POC1B: variants seen among roughly 807,000 people sequenced by gnomAD.
POC1B encodes POC1 centriolar protein B, also known as POC1 centriolar protein homolog B.
POC1B carries 44 observed loss-of-function variants against 60.6 expected under a neutral mutation model. The ratio of observed to expected loss-of-function variants is 0.73; its 90% CI spans 0.57 to 0.93. The LOEUF is 0.93. Ranked by LOEUF, POC1B falls within the 40% of genes least tolerant of loss-of-function variation. The pLI is 0.00. For synonymous variants in POC1B, 180 were observed against 198.9 expected (o/e 0.90, Z 0.80); for missense variants, 555 against 572.3 (o/e 0.97, Z 0.31).
intron 3 of POC1B, among the ~76,000 whole-genome samples, chr12:89,494,110 T>C (rs1400304675): frequency 6.6e-6 from 1 of 152,186 alleles, no homozygotes; most frequent in Non-Finnish European, 1.5e-5. Context: ...GTGCAATCGC[T>C]ACTCACTGCA....
intron 2 of POC1B, among the ~76,000 whole-genome samples, chr12:89,515,137 G>A (rs1212667370): frequency 6.6e-6 from 1 of 152,054 alleles, no homozygotes; most frequent in Non-Finnish European, 1.5e-5. Context: ...TTTCAACTCT[G>A]AGCATTATGA....
At chr12:89,445,085 C>A (rs1881717763) in intron 10 of POC1B, among the ~76,000 whole-genome samples, 1 of 152,062 alleles carries the variant, frequency 6.6e-6, no homozygotes, top group African/African-American at 2.4e-5. Context: ...AACTAGAAAC[C>A]ACTGCTCAAC....
At position 89,425,162 on chromosome 12, in the gene POC1B, T is replaced by C. The variant is rs1555215866; in HGVS notation, c.1331A>G (p.Gln444Arg). 1 of 1,613,942 alleles carries C rather than the reference T, an allele frequency of 6.2e-7. No individual in the cohort carries two copies. Among genetic ancestry groups the C allele is most frequent in the Non-Finnish European group, 8.5e-7 (1 of 1,179,836 alleles). The change falls in exon 11 of 12, where the codon CAG becomes CGG. Residue 444 changes from glutamine to arginine, a missense_variant and splice_region_variant. By Grantham distance (43) the Gln-to-Arg change is conservative (BLOSUM62 1). Transcript: ENST00000313546. ...TCATGCAACCTGTGTCATGCCCACC[T>C]GTGTCAAAACATTGAGTTGTTCCAT... ...HIMEQLNVLTQTVSILEQRLT... is the reference protein window; with the variant it reads ...HIMEQLNVLTRTVSILEQRLT...
chr12:89,411,685 T>C, the POC1B span, among the ~76,000 whole-genome samples: 1 of 152,212 alleles, frequency 6.6e-6, no homozygotes, highest in Non-Finnish European at 1.5e-5. Context: ...CCCGCCTCAA[T>C]GTTGCATCTT....
intron 4 of POC1B, among the ~76,000 whole-genome samples, chr12:89,480,602 T>A (rs1419035000): frequency 1.5e-5 from 2 of 137,870 alleles, no homozygotes; most frequent in East Asian, 2.1e-4. Context: ...TGTATTTTTT[T>A]TTTTTTTTTT....
In POC1B at chr12:89,515,585, G is replaced by A. The variant is rs76245871; in HGVS notation, c.100+9535C>T. Among the ~76,000 whole-genome samples the A allele has an allele frequency of 6.8e-3, 1,031 of 152,286 alleles. 12 individuals are homozygous for A. Among genetic ancestry groups the A allele is most frequent in the African/African-American group, 0.024 (996 of 41,556 alleles). On this transcript the variant is annotated intron_variant, in intron 2 of 11. Transcript: ENST00000313546. ...GGGAGTCAGCCAAATAAAGAGTGAG[G>A]TGGTGAAGAACATTTCAGACCAAGG...
At chr12:89,475,776 T>C (rs1473421643) in intron 4 of POC1B, among the ~76,000 whole-genome samples, 1 of 152,144 alleles carries the variant, frequency 6.6e-6, no homozygotes, top group African/African-American at 2.4e-5. Flanking sequence ...AGATGAATAT[T>C]ACATTAGTCA....
At chr12:89,487,267 C>A (rs1260321236) in intron 4 of POC1B, among the ~76,000 whole-genome samples, 1 of 152,164 alleles carries the variant, frequency 6.6e-6, no homozygotes, top group African/African-American at 2.4e-5. Flanking sequence ...GCACATGACA[C>A]GGAGAGGACA....
In POC1B at chr12:89,425,308, G is replaced by A. The variant is rs1880717242; in HGVS notation, c.1185C>T (p.Ser395=). 8.1e-6 allele frequency: 13 copies of A among 1,614,016 alleles called. No homozygotes were observed. Among genetic ancestry groups the A allele is most frequent in the Non-Finnish European group, 1.0e-5 (12 of 1,180,032 alleles). ...EEACGYFLNP[S]LMSPECLPTT... ...TTGGCAAACATTCTGGTGACATTAA[G>A]GAAGGGTTCAAGAAATATCCACAGG... Residue 395 remains serine (S), a synonymous_variant, in exon 11 of 12, where the codon TCC becomes TCT. Coordinates refer to ENST00000313546, the MANE Select transcript of POC1B (RefSeq NM_172240.3).
intron 2 of POC1B, among the ~76,000 whole-genome samples, chr12:89,515,207 G>A (rs12315152): frequency 0.52 from 79,612 of 152,028 alleles, 21,230 homozygotes; most frequent in African/African-American, 0.61. Flanking sequence ...AAAAGGGGGA[G>A]TCCTAAGTAA....
At chr12:89,522,890 G>A (rs1205319781) in intron 2 of POC1B, 2 of 1,613,556 alleles carry the variant, frequency 1.2e-6, no homozygotes, top group Admixed American at 1.7e-5. Flanking sequence ...CGGCCCTCCG[G>A]TGTCCGATAA....
intron 2 of POC1B, chr12:89,522,391 T>C (rs1870961793): frequency 5.2e-6 from 2 of 383,236 alleles, no homozygotes; most frequent in Non-Finnish European, 9.2e-6. Context: ...GTAATCAAAA[T>C]AGCAATGGCT....
chr12:89,478,326 C>T (rs1883198097), intron 4 of POC1B, among the ~76,000 whole-genome samples: 1 of 152,158 alleles, frequency 6.6e-6, no homozygotes, highest in Non-Finnish European at 1.5e-5. Context: ...GCCATGTTGG[C>T]TAGGCTGGTC....
chr12:89,500,634 G>A (rs1869509973), intron 2 of POC1B: 10 of 1,590,240 alleles, frequency 6.3e-6, no homozygotes, highest in Admixed American at 5.0e-5. Flanking sequence ...GCCCAAAAGA[G>A]AGAGACTTAC....
At chr12:89,518,629 C>G (rs1013640345) in intron 2 of POC1B, among the ~76,000 whole-genome samples, 1 of 152,084 alleles carries the variant, frequency 6.6e-6, no homozygotes, top group Non-Finnish European at 1.5e-5. Flanking sequence ...AATCCCCTAC[C>G]CCCTGCCACC....
chr12:89,525,635 C>T (rs1871406172), intron 1 of POC1B: 2 of 1,275,254 alleles, frequency 1.6e-6, no homozygotes, highest in Non-Finnish European at 2.0e-6. Context: ...GCCGTGGGGC[C>T]GCCCAGCTCA....
intron 10 of POC1B, among the ~76,000 whole-genome samples, chr12:89,458,872 A>T (rs1388245594): frequency 1.3e-5 from 2 of 152,232 alleles, no homozygotes; most frequent in African/African-American, 2.4e-5. Flanking sequence ...CCTTGGAAAG[A>T]ATTAGCAGAA....
intron 2 of POC1B, among the ~76,000 whole-genome samples, chr12:89,498,252 A>G (rs1869357694): frequency 6.6e-6 from 1 of 152,246 alleles, no homozygotes; most frequent in Non-Finnish European, 1.5e-5. Context: ...GTGTCAGACA[A>G]TAGTTTAAGG....
intron 2 of POC1B, chr12:89,523,502 C>T: frequency 6.2e-7 from 1 of 1,611,666 alleles, no homozygotes; most frequent in South Asian, 1.1e-5. Flanking sequence ...TCCAATTTGC[C>T]ACCACACTGC....
Sources: gnomAD v4.1 joint callset for allele counts (sites outside exome capture counted in the v4.1 genomes callset) on GRCh38, gnomAD v4.1.1 for gene constraint, MANE v1.5 for transcripts, NCBI Gene and HGNC (gene_info 2026-07-23, HGNC 2026-07-21) for gene names.